The following ZC2HC1B variants were observed in gnomAD, a reference collection of about 807,000 sequenced individuals.
ZC2HC1B encodes the protein zinc finger C2HC-type containing 1B, also known as zinc finger C2HC domain-containing protein 1B.
ZC2HC1B carries 36 observed loss-of-function variants against 31.0 expected under a neutral mutation model. The observed-to-expected ratio is 1.16, with a 90% confidence interval of 0.89 to 1.54. The LOEUF is 1.54. Ranked by LOEUF, ZC2HC1B falls within the 40% of genes most tolerant of loss-of-function variation. The pLI is 0.00. For missense variants in ZC2HC1B, 260 were observed against 268.6 expected (o/e 0.97, Z 0.22); for synonymous variants, 73 against 88.0 (o/e 0.83, Z 0.95).
rs938771406 is a variant in ZC2HC1B, at chr6:143,923,984, A to G, written c.599-13665A>G. Among the ~76,000 whole-genome samples the G allele has an allele frequency of 2.5e-4, 38 of 151,934 alleles. No individual in the cohort carries two copies. Among genetic ancestry groups the G allele is most frequent in the Non-Finnish European group, 4.4e-4 (30 of 67,974 alleles). ...GGATTTTTTTGTATTTATATAAAGA[A>G]TGTCATTGGTGTTTTGATAGGGATT... On this transcript the variant is annotated intron_variant, in intron 6 of 7. Transcript: ENST00000237275. The surrounding 1 kb of genome is among the most constrained non-coding windows in gnomAD (Gnocchi z 4.8).
In ZC2HC1B at chr6:143,918,625, A is replaced by C. The variant is rs1373380030; in HGVS notation, c.598+15473A>C. ...CTTTTGTTAAATCTGGCAAGTTTTC[A>C]GCCATTATTTCTCTCTGCTCTTTTC... On this transcript the variant is annotated intron_variant, in intron 6 of 7. Coordinates refer to ENST00000237275, the MANE Select transcript of ZC2HC1B (RefSeq NM_001013623.3). This position sits in a 1 kb window ranked among gnomAD's most constrained non-coding sequence, Gnocchi z 4.1. Among the ~76,000 whole-genome samples the C allele has an allele frequency of 3.3e-5, 5 of 152,152 alleles. No individual in the cohort carries two copies. The highest frequency in any genetic ancestry group is 7.3e-5 in the Non-Finnish European group (5 of 68,034).
At chr6:143,936,293 A>G (rs1778177073) in intron 6 of ZC2HC1B, among the ~76,000 whole-genome samples, 1 of 152,164 alleles carries the variant, frequency 6.6e-6, no homozygotes, top group Admixed American at 6.5e-5. Flanking sequence ...TTCTCACAAT[A>G]GCGTGAGGAG....
rs1777324000 is a variant in ZC2HC1B at position 143,870,539 on chromosome 6, T to C, written c.28+5972T>C. ...TCCAATCATGTATATACACTTCCAT[T>C]TGATGATGGATGCTGCTGTGCATGA... On this transcript the variant is annotated intron_variant, in intron 1 of 7. Coordinates refer to ENST00000237275, the MANE Select transcript of ZC2HC1B (RefSeq NM_001013623.3). The surrounding 1 kb of genome is among the most constrained non-coding windows in gnomAD (Gnocchi z 4.7). Among the ~76,000 whole-genome samples, 1 of 152,138 alleles carries C rather than the reference T, an allele frequency of 6.6e-6. No individual in the cohort carries two copies. The highest frequency in any genetic ancestry group is 1.5e-5 in the Non-Finnish European group (1 of 68,024).
chr6:143,935,607 C>G (rs889141976), intron 6 of ZC2HC1B, among the ~76,000 whole-genome samples: 1 of 141,462 alleles, frequency 7.1e-6, no homozygotes, highest in Non-Finnish European at 1.5e-5. Flanking sequence ...TTAATATATT[C>G]AGATTGACAA....
chr6:143,937,841 A>G (rs964166187), intron 7 of ZC2HC1B, 108 bp downstream of exon 7: 1 of 746,412 alleles, frequency 1.3e-6, no homozygotes, highest in Middle Eastern at 2.8e-4. Flanking sequence ...ACAAACTCCA[A>G]GTTGGGTTAA....
rs1277459859 is a variant in ZC2HC1B, at chr6:143,870,567, C to T, written c.28+6000C>T. Among the ~76,000 whole-genome samples, 4 of 152,148 alleles carry T rather than the reference C, an allele frequency of 2.6e-5. No homozygotes were observed. The highest frequency in any genetic ancestry group is 6.5e-5 in the Admixed American group (1 of 15,268). ...ATGATGGATGCTGCTGTGCATGACCCACTTTATGGCTAGATGGGTCAGAAA... is the reference window on the plus strand; with the variant it reads ...ATGATGGATGCTGCTGTGCATGACCTACTTTATGGCTAGATGGGTCAGAAA... On this transcript the variant is annotated intron_variant, in intron 1 of 7. Coordinates refer to ENST00000237275, the MANE Select transcript of ZC2HC1B (RefSeq NM_001013623.3). This position sits in a 1 kb window ranked among gnomAD's most constrained non-coding sequence, Gnocchi z 4.7.
rs192945767 is a variant in ZC2HC1B, at chr6:143,923,042, G to C, written c.599-14607G>C. 5.0e-4 allele frequency among the ~76,000 whole-genome samples: 76 copies of C among 152,198 alleles called. No individual in the cohort carries two copies. Among genetic ancestry groups the C allele is most frequent in the East Asian group, 4.2e-3 (22 of 5,184 alleles). On this transcript the variant is annotated intron_variant, in intron 6 of 7. Transcript: ENST00000237275. The surrounding 1 kb of genome is among the most constrained non-coding windows in gnomAD (Gnocchi z 4.8). ...CTGTTATTTCTTGCCTTTTTGATAA[G>C]AGCCATTCTAACAAGGGTAAGATTT...
intron 4 of ZC2HC1B, among the ~76,000 whole-genome samples, chr6:143,894,821 T>C (rs954059297): frequency 6.6e-6 from 1 of 152,224 alleles, no homozygotes; most frequent in South Asian, 2.1e-4. Context: ...AGTGAAACCA[T>C]GTCAGATGTC....
At chr6:143,914,521 C>G (rs1048962384) in intron 6 of ZC2HC1B, among the ~76,000 whole-genome samples, 1 of 151,972 alleles carries the variant, frequency 6.6e-6, no homozygotes, top group African/African-American at 2.4e-5. Context: ...TTGCATGTGC[C>G]CTTGAGAAAC....
At chr6:143,925,023 C>T (rs1778018132) in intron 6 of ZC2HC1B, among the ~76,000 whole-genome samples, 1 of 151,956 alleles carries the variant, frequency 6.6e-6, no homozygotes, top group Non-Finnish European at 1.5e-5. Context: ...GGAAGAATTT[C>T]CTCCTTTGAA....
intron 6 of ZC2HC1B, among the ~76,000 whole-genome samples, chr6:143,914,886 T>A (rs1268891613): frequency 2.0e-5 from 3 of 152,166 alleles, no homozygotes; most frequent in Non-Finnish European, 4.4e-5. Context: ...TTCAATCTAT[T>A]TTTGTCTTTG....
intron 1 of ZC2HC1B, among the ~76,000 whole-genome samples, chr6:143,879,744 C>A (rs1259047603): frequency 6.7e-6 from 1 of 149,270 alleles, no homozygotes; most frequent in Admixed American, 6.7e-5. Context: ...CAATTTTAAT[C>A]TAACCCTAAT....
In ZC2HC1B at chr6:143,870,749, C is replaced by G. The variant is rs1381562298; in HGVS notation, c.28+6182C>G. 6.6e-6 allele frequency among the ~76,000 whole-genome samples: 1 copy of G among 152,180 alleles called. No individual in the cohort carries two copies. Among genetic ancestry groups the G allele is most frequent in the Non-Finnish European group, 1.5e-5 (1 of 68,028 alleles). On this transcript the variant is annotated intron_variant, in intron 1 of 7. Transcript: ENST00000237275. The surrounding 1 kb of genome is among the most constrained non-coding windows in gnomAD (Gnocchi z 4.7). ...GATGGCAGAGCCTTGCTCCAAAATCCTAGAGGCCTCCACTGTGATTCACCT... is the reference window on the plus strand; with the variant it reads ...GATGGCAGAGCCTTGCTCCAAAATCGTAGAGGCCTCCACTGTGATTCACCT...
chr6:143,935,566 ATTG>A (rs1020282873), intron 6 of ZC2HC1B, among the ~76,000 whole-genome samples: 14 of 149,888 alleles, frequency 9.3e-5, no homozygotes, highest in Admixed American at 1.3e-4. Flanking sequence ...GTCTTTAAAA[ATTG>A]TTGTTGTTGG....
chr6:143,878,339 G>T (rs1194539630), intron 1 of ZC2HC1B, among the ~76,000 whole-genome samples: 1 of 150,668 alleles, frequency 6.6e-6, no homozygotes, highest in Non-Finnish European at 1.5e-5. Context: ...TTAGCCAGGT[G>T]TGGTGGTGTG....
At chr6:143,897,846 G>A (rs1030329652) in intron 4 of ZC2HC1B, among the ~76,000 whole-genome samples, 3 of 152,126 alleles carry the variant, frequency 2.0e-5, no homozygotes, top group African/African-American at 4.8e-5. Flanking sequence ...GACCCACCCA[G>A]CACTACAACC....
chr6:143,924,057 A>G lies in ZC2HC1B; in HGVS notation c.599-13592A>G, dbSNP rs1778009720. On this transcript the variant is annotated intron_variant, in intron 6 of 7. Transcript: ENST00000237275. This position sits in a 1 kb window ranked among gnomAD's most constrained non-coding sequence, Gnocchi z 5.2. ...TGGGTAGTATGGTCATTTTAACAATAGTAATTCTTCTGAGTCATGAGCATG... is the reference window on the plus strand; with the variant it reads ...TGGGTAGTATGGTCATTTTAACAATGGTAATTCTTCTGAGTCATGAGCATG... 1.3e-5 allele frequency among the ~76,000 whole-genome samples: 2 copies of G among 152,266 alleles called. No homozygotes were observed. The highest frequency in any genetic ancestry group is 4.1e-4 in the South Asian group (2 of 4,830).
chr6:143,937,824 C>T, intron 7 of ZC2HC1B, 91 bp downstream of exon 7: 1 of 913,212 alleles, frequency 1.1e-6, no homozygotes, highest in Non-Finnish European at 1.6e-6. Flanking sequence ...ACTGAAGAGA[C>T]ATCTGGACAA....
At chr6:143,888,337 A>T (rs1465069764) in intron 4 of ZC2HC1B, among the ~76,000 whole-genome samples, 1 of 152,006 alleles carries the variant, frequency 6.6e-6, no homozygotes, top group East Asian at 1.9e-4. Flanking sequence ...AGGAAGTTTG[A>T]GTTCTGCAAA....
Sources: allele counts gnomAD v4.1 joint callset (sites outside exome capture counted in the v4.1 genomes callset), GRCh38; gene constraint gnomAD v4.1.1; non-coding constraint Gnocchi (gnomAD v3.1); transcripts MANE v1.5; gene names NCBI Gene and HGNC (gene_info 2026-07-23, HGNC 2026-07-21).